PCDHGA7: variants seen among roughly 807,000 people sequenced by gnomAD.
PCDHGA7 encodes protocadherin gamma subfamily A, 7.
Under a neutral mutation model 58.3 loss-of-function variants are expected in PCDHGA7, and 44 were observed. The observed-to-expected ratio is 0.75, with a 90% CI of 0.59 to 0.97. The LOEUF (loss-of-function observed/expected upper bound fraction) is 0.97. PCDHGA7 is among the 50% of genes least tolerant of loss of function. The probability of loss-of-function intolerance (pLI) is 0.00; values close to 1 mark genes in which losing one functional copy is unlikely to be tolerated. For missense variants in PCDHGA7, 1,266 were observed against 1,188.7 expected, an observed-to-expected ratio of 1.06 and a Z score of -0.96; for synonymous variants, 516 against 504.2, an observed-to-expected ratio of 1.02 and a Z score of -0.31.
Position 141,431,151 on chromosome 5 carries a change from C to T in PCDHGA7, c.2424+45828C>T, listed in dbSNP as rs764416448. The T allele has an allele frequency of 6.2e-7, 1 of 1,614,126 alleles. No individual in the cohort carries two copies. Among genetic ancestry groups the T allele is most frequent in the African/African-American group, 1.3e-5 (1 of 74,954 alleles). On this transcript the variant is annotated intron_variant, in intron 1 of 3. Coordinates refer to ENST00000518325, the MANE Select transcript of PCDHGA7 (RefSeq NM_018920.4). The surrounding 1 kb of genome is among the most constrained non-coding windows in gnomAD (Gnocchi z 4.8). ...GTAAGGGACATTAACGACAATGCGC[C>T]TTACTTTCGTGAAAGTGAATTAGAA...
intron 1 of PCDHGA7, chr5:141,422,397 C>A (rs753017439): frequency 6.3e-6 from 10 of 1,597,488 alleles, no homozygotes; most frequent in African/African-American, 2.7e-5. Context: ...TTCCTAACCA[C>A]CTGCCTTTTA....
intron 2 of PCDHGA7, 160 bp from the exon 3 acceptor site, chr5:141,505,233 C>T: frequency 1.1e-6 from 1 of 872,838 alleles, no homozygotes; most frequent in Non-Finnish European, 1.4e-6. Context: ...ATTCTGGCTT[C>T]TGAAGGATTG....
rs530963064 is a variant in PCDHGA7, at chr5:141,404,506, C to G, written c.2424+19183C>G. ...ACACTGGTGTGCTGTATGCTCTGTG[C>G]TCCTTTGACTATGAGCAGTTTAGAG... is the stretch of plus-strand genomic sequence containing the variant. On this transcript the variant is annotated intron_variant, in intron 1 of 3. Coordinates refer to ENST00000518325, the MANE Select transcript of PCDHGA7 (RefSeq NM_018920.4). The G allele has an allele frequency of 3.2e-5, 52 of 1,613,814 alleles. No individual in the cohort carries two copies. Among genetic ancestry groups the G allele is most frequent in the Non-Finnish European group, 4.3e-5 (51 of 1,179,838 alleles).
intron 1 of PCDHGA7, chr5:141,419,183 A>G (rs1453963573): frequency 1.9e-6 from 3 of 1,613,958 alleles, no homozygotes; most frequent in Non-Finnish European, 1.7e-6. Context: ...AACCCTGCAC[A>G]TTACTGACGT....
intron 1 of PCDHGA7, chr5:141,478,160 G>GC (rs764598056): frequency 3.7e-6 from 6 of 1,613,948 alleles, no homozygotes. Flanking sequence ...CTCTGGCTCT[G>GC]CCCCCCGGGA....
chr5:141,417,141 C>T (rs1455831459), intron 1 of PCDHGA7: 1 of 152,018 alleles, frequency 6.6e-6, no homozygotes, highest in Non-Finnish European at 1.5e-5. Context: ...ATGACTAGGG[C>T]AATGGTTGCA....
intron 1 of PCDHGA7, among the ~76,000 whole-genome samples, chr5:141,443,156 A>G (rs1059029): frequency 0.29 from 44,047 of 151,812 alleles, 7,376 homozygotes; most frequent in African/African-American, 0.47. Flanking sequence ...ACTGCATTTT[A>G]TTTCCCTACC....
chr5:141,502,037 C>T (rs2154593041), intron 2 of PCDHGA7, among the ~76,000 whole-genome samples: 1 of 152,302 alleles, frequency 6.6e-6, no homozygotes, highest in East Asian at 1.9e-4. Context: ...CGCCGCTTGC[C>T]TGCTCTCCCT....
intron 1 of PCDHGA7, chr5:141,394,972 A>T (rs766374618): frequency 1.7e-5 from 28 of 1,613,900 alleles, no homozygotes; most frequent in Non-Finnish European, 2.3e-5. Flanking sequence ...AGGCGCTGGC[A>T]CAAGTCACGC....
intron 1 of PCDHGA7, among the ~76,000 whole-genome samples, chr5:141,452,401 G>C (rs2098740635): frequency 6.6e-6 from 1 of 152,134 alleles, no homozygotes. Flanking sequence ...CTAAGATCTG[G>C]GTGTGAGGTA....
chr5:141,392,658 C>T, intron 1 of PCDHGA7: 1 of 778,114 alleles, frequency 1.3e-6, no homozygotes, highest in Non-Finnish European at 1.9e-6. Context: ...CCGCAGATGC[C>T]ACAAACTAAC....
chr5:141,393,111 C>A (rs762190466), intron 1 of PCDHGA7: 1 of 1,613,380 alleles, frequency 6.2e-7, no homozygotes, highest in African/African-American at 1.3e-5. Flanking sequence ...CGCTCAGAGC[C>A]CGCGGTGTCT....
At chr5:141,403,138 C>G in intron 1 of PCDHGA7, 1 of 1,614,036 alleles carries the variant, frequency 6.2e-7, no homozygotes, top group Non-Finnish European at 8.5e-7. Context: ...TGGCGGAGCG[C>G]CGAGTCCGCA....
At chr5:141,419,533 C>T in intron 1 of PCDHGA7, 1 of 1,612,106 alleles carries the variant, frequency 6.2e-7, no homozygotes, top group Non-Finnish European at 8.5e-7. Context: ...GTAACGACAA[C>T]GCACCGCGGG....
At chr5:141,405,145 G>A (rs772542898) in intron 1 of PCDHGA7, 4 of 1,613,952 alleles carry the variant, frequency 2.5e-6, no homozygotes, top group African/African-American at 2.7e-5. Context: ...CCAGTGATGG[G>A]TTGGCTGGTG....
At chr5:141,507,447 G>A (rs998019159) in intron 3 of PCDHGA7, among the ~76,000 whole-genome samples, 1 of 152,226 alleles carries the variant, frequency 6.6e-6, no homozygotes, top group Non-Finnish European at 1.5e-5. Flanking sequence ...GCTGACGGAA[G>A]GACAGAGAGA....
intron 1 of PCDHGA7, chr5:141,418,046 G>A (rs757311166): frequency 1.9e-6 from 3 of 1,613,888 alleles, no homozygotes; most frequent in Admixed American, 3.3e-5. Flanking sequence ...GGATGTGTCG[G>A]CTCGCGAGCT....
chr5:141,426,873 C>T (rs1299082117), intron 1 of PCDHGA7: 1 of 456,702 alleles, frequency 2.2e-6, no homozygotes, highest in East Asian at 6.9e-5. Context: ...GCTGGAGAAG[C>T]CCCTGGGCCA....
chr5:141,384,524 T>C lies in PCDHGA7; in HGVS notation c.1625T>C (p.Leu542Pro). 1 of 1,614,208 alleles carries C rather than the reference T, an allele frequency of 6.2e-7. No individual in the cohort carries two copies. The change falls in exon 1 of 4, where the codon CTC becomes CCC. Residue 542 changes from leucine (L) to proline (P), a missense_variant. Leu to Pro is a moderately conservative substitution (Grantham distance 98). Coordinates refer to ENST00000518325, the MANE Select transcript of PCDHGA7 (RefSeq NM_018920.4). ...VTAHDSGDPPLSSNMSLSLFV... is the reference protein window; with the variant it reads ...VTAHDSGDPPPSSNMSLSLFV... ...GCACATGACAGCGGGGACCCGCCTC[T>C]CAGCAGCAACATGTCACTGAGCCTG...
Sources: gnomAD v4.1 joint callset for allele counts (sites outside exome capture counted in the v4.1 genomes callset) on GRCh38, gnomAD v4.1.1 for gene constraint, Gnocchi (gnomAD v3.1) non-coding constraint, MANE v1.5 for transcripts, NCBI Gene and HGNC (gene_info 2026-07-23, HGNC 2026-07-21) for gene names.